GALNT13: variants seen among roughly 807,000 people sequenced by gnomAD.
GALNT13 encodes the protein UDP-GalNAc:polypeptide N-acetylgalactosaminyltransferase 13.
Under a neutral mutation model 64.2 loss-of-function variants are expected in GALNT13, and 28 were observed. The ratio of observed to expected loss-of-function variants is 0.44; its 90% CI spans 0.32 to 0.60. The LOEUF (loss-of-function observed/expected upper bound fraction) is 0.60. GALNT13 is among the 20% of genes least tolerant of loss of function. GALNT13 has a pLI of 0.05. For synonymous variants in GALNT13, 214 were observed against 224.6 expected (o/e 0.95, Z 0.42); for missense variants, 577 against 669.8 (o/e 0.86, Z 1.53).
the GALNT13 span, among the ~76,000 whole-genome samples, chr2:153,116,172 A>C: frequency 2.0e-5 from 3 of 152,216 alleles, no homozygotes; most frequent in Non-Finnish European, 4.4e-5. Context: ...TATTGTACAA[A>C]GGACTAATGG....
intron 9 of GALNT13, among the ~76,000 whole-genome samples, chr2:154,377,169 G>A (rs1354608057): frequency 6.6e-6 from 1 of 152,042 alleles, no homozygotes; most frequent in Non-Finnish European, 1.5e-5. Context: ...TATTAGCTTG[G>A]TAAGTATATA....
At chr2:153,831,377 G>A in the GALNT13 span, among the ~76,000 whole-genome samples, 1,995 of 152,198 alleles carry the variant, frequency 0.013, 43 homozygotes, top group African/African-American at 0.045. Context: ...AGCAGGAGGC[G>A]GCAAGGACAG....
chr2:153,826,601 CAAAG>C, the GALNT13 span, among the ~76,000 whole-genome samples: 3 of 152,076 alleles, frequency 2.0e-5, no homozygotes, highest in Admixed American at 6.6e-5. Flanking sequence ...TGGAGAAACC[CAAAG>C]AAAGACAGAA....
the GALNT13 span, among the ~76,000 whole-genome samples, chr2:153,563,143 T>G: frequency 6.6e-6 from 1 of 152,042 alleles, no homozygotes; most frequent in Non-Finnish European, 1.5e-5. Context: ...TTGTTTTTCT[T>G]ACCTTACCTT....
chr2:154,167,349 T>C (rs988305210), intron 4 of GALNT13, among the ~76,000 whole-genome samples: 13 of 152,122 alleles, frequency 8.5e-5, no homozygotes, highest in Non-Finnish European at 2.9e-5. Flanking sequence ...GTTTCTCTAA[T>C]AGGCACATAT....
At chr2:154,216,257 T>C (rs1199156842) in intron 4 of GALNT13, among the ~76,000 whole-genome samples, 34 of 152,096 alleles carry the variant, frequency 2.2e-4, no homozygotes, top group Admixed American at 2.2e-3. Context: ...ATCATGAACA[T>C]TGACAGCTGA....
intron 9 of GALNT13, among the ~76,000 whole-genome samples, chr2:154,339,156 C>T (rs1323308754): frequency 6.6e-6 from 1 of 152,090 alleles, no homozygotes; most frequent in Non-Finnish European, 1.5e-5. Flanking sequence ...CTCTGAATTT[C>T]ATTTTCAAAT....
the GALNT13 span, among the ~76,000 whole-genome samples, chr2:153,229,005 A>G: frequency 6.6e-6 from 1 of 152,126 alleles, no homozygotes; most frequent in African/African-American, 2.4e-5. Flanking sequence ...TGGAGGCTGA[A>G]GGCTCTCTAA....
At chr2:153,319,076 C>A in the GALNT13 span, among the ~76,000 whole-genome samples, 1 of 152,104 alleles carries the variant, frequency 6.6e-6, no homozygotes, top group Admixed American at 6.5e-5. Flanking sequence ...ATATCACAGG[C>A]AGGATTTGAA....
the GALNT13 span, among the ~76,000 whole-genome samples, chr2:153,462,922 G>T: frequency 6.6e-6 from 1 of 152,098 alleles, no homozygotes; most frequent in South Asian, 2.1e-4. Context: ...ATAGATTCTG[G>T]AAAGATTTTG....
chr2:153,329,860 G>A, the GALNT13 span, among the ~76,000 whole-genome samples: 32 of 152,264 alleles, frequency 2.1e-4, no homozygotes, highest in South Asian at 4.6e-3. Flanking sequence ...CAAGGTCAAC[G>A]TCCAGAATGG....
chr2:153,700,846 CACAA>C, the GALNT13 span, among the ~76,000 whole-genome samples: 1 of 152,128 alleles, frequency 6.6e-6, no homozygotes, highest in East Asian at 1.9e-4. Context: ...TAAAACAGAA[CACAA>C]ACAAATGGAA....
intron 3 of GALNT13, among the ~76,000 whole-genome samples, chr2:154,009,424 A>C (rs1254229093): frequency 6.6e-6 from 1 of 152,078 alleles, no homozygotes; most frequent in East Asian, 1.9e-4. Context: ...CTTTTTAAAA[A>C]AAATTCTGTG....
the GALNT13 span, among the ~76,000 whole-genome samples, chr2:153,723,507 T>A: frequency 6.7e-6 from 1 of 149,464 alleles, no homozygotes; most frequent in Non-Finnish European, 1.5e-5. Context: ...AAAGAGGAAG[T>A]CAAATTGTCC....
chr2:154,144,072 G>A (rs1683425290), intron 4 of GALNT13, among the ~76,000 whole-genome samples: 1 of 151,898 alleles, frequency 6.6e-6, no homozygotes, highest in Admixed American at 6.6e-5. Flanking sequence ...GAATTTTCAT[G>A]TTTTACAAAT....
At chr2:154,300,462 A>G (rs920146669) in intron 8 of GALNT13, among the ~76,000 whole-genome samples, 2 of 152,128 alleles carry the variant, frequency 1.3e-5, no homozygotes, top group Non-Finnish European at 2.9e-5. Flanking sequence ...AATCAGATGT[A>G]TCAAATGAAA....
At chr2:153,699,986 T>C in the GALNT13 span, among the ~76,000 whole-genome samples, 1 of 152,182 alleles carries the variant, frequency 6.6e-6, no homozygotes, top group Non-Finnish European at 1.5e-5. Context: ...TCCTAACTCA[T>C]TTTATGAGGC....
chr2:153,893,390 G>A (rs68034327), intron 1 of GALNT13, among the ~76,000 whole-genome samples: 21,542 of 151,790 alleles, frequency 0.14, 1,735 homozygotes, highest in South Asian at 0.21. Flanking sequence ...CAGCTTTTAA[G>A]CTAGTATTTT....
At chr2:154,384,250 T>C in intron 9 of GALNT13, among the ~76,000 whole-genome samples, 1 of 151,942 alleles carries the variant, frequency 6.6e-6, no homozygotes, top group East Asian at 1.9e-4. Context: ...TTTCTCAAAA[T>C]ATTTTCAGTG....
Sources: allele counts gnomAD v4.1 joint callset (sites outside exome capture counted in the v4.1 genomes callset), GRCh38; gene constraint gnomAD v4.1.1; transcripts MANE v1.5; gene names NCBI Gene and HGNC (gene_info 2026-07-23, HGNC 2026-07-21).